ANO3: variants seen among roughly 807,000 people sequenced by gnomAD.
ANO3 encodes the protein anoctamin 3.
Under a neutral mutation model 144.8 loss-of-function variants are expected in ANO3, and 99 were observed. The observed-to-expected ratio is 0.68, with a 90% CI of 0.58 to 0.81. The LOEUF (loss-of-function observed/expected upper bound fraction) is 0.81. ANO3 is among the 30% of genes least tolerant of loss of function. ANO3 has a pLI of 0.00. For synonymous variants in ANO3, 414 were observed against 392.6 expected, an observed-to-expected ratio of 1.05 and a Z score of -0.64; for missense variants, 905 against 1,202.2, an observed-to-expected ratio of 0.75 and a Z score of 3.66.
At position 26,451,530 on chromosome 11, in the gene ANO3, G is replaced by C. The variant is rs562466973; in HGVS notation, c.313+7694G>C. Among the ~76,000 whole-genome samples, 213 of 152,330 alleles carry C rather than the reference G, an allele frequency of 1.4e-3. 2 individuals are homozygous for C. The South Asian group carries it at 0.019, about 14-fold the overall frequency. On this transcript the variant is annotated intron_variant, in intron 3 of 26. Transcript: ENST00000256737. ...AACTGCAAGGCGGCAGCAAGGCTGG[G>C]GGAGGAGCGCCCGCCATTACTCAGG...
chr11:26,393,054 A>C (rs146354892), intron 1 of ANO3, among the ~76,000 whole-genome samples: 2,740 of 152,270 alleles, frequency 0.018, 40 homozygotes, highest in Non-Finnish European at 0.025. Flanking sequence ...ATATGCAGAA[A>C]GGCAAAGGTT....
intron 1 of ANO3, among the ~76,000 whole-genome samples, chr11:26,402,572 G>C (rs1380087908): frequency 2.6e-5 from 4 of 151,820 alleles, no homozygotes; most frequent in African/African-American, 9.7e-5. Context: ...CTCCCATTCT[G>C]TAGATTGCCA....
chr11:26,441,257 AC>A (rs1858511013), intron 1 of ANO3, among the ~76,000 whole-genome samples: 1 of 149,974 alleles, frequency 6.7e-6, no homozygotes, highest in Admixed American at 6.6e-5. Flanking sequence ...AGCTGGGACT[AC>A]AGGCGCCCGC....
At chr11:26,538,607 A>G (rs1365487202) in intron 10 of ANO3, among the ~76,000 whole-genome samples, 1 of 152,160 alleles carries the variant, frequency 6.6e-6, no homozygotes, top group Non-Finnish European at 1.5e-5. Context: ...GGAAGGTTTA[A>G]TTTGTTCTCT....
intron 1 of ANO3, among the ~76,000 whole-genome samples, chr11:26,247,827 C>T (rs1169410163): frequency 6.9e-6 from 1 of 144,742 alleles, no homozygotes; most frequent in Non-Finnish European, 1.5e-5. Flanking sequence ...CTCCCAGGTT[C>T]AAGTGATTCT....
intron 14 of ANO3, among the ~76,000 whole-genome samples, chr11:26,581,576 C>T (rs1219911144): frequency 6.6e-6 from 1 of 150,758 alleles, no homozygotes; most frequent in South Asian, 2.1e-4. Context: ...GTAGTCCCAG[C>T]TATGTGGGAG....
At chr11:26,630,853 T>G (rs1214810120) in intron 18 of ANO3, among the ~76,000 whole-genome samples, 1 of 152,182 alleles carries the variant, frequency 6.6e-6, no homozygotes, top group Non-Finnish European at 1.5e-5. Flanking sequence ...TTGAATTACT[T>G]TAATTATTTT....
At chr11:26,564,756 TA>T (rs1850489146) in intron 14 of ANO3, among the ~76,000 whole-genome samples, 1 of 89,452 alleles carries the variant, frequency 1.1e-5, no homozygotes. Context: ...TATATATATA[TA>T]TATATATATA....
chr11:26,304,101 G>A (rs1281598589), intron 1 of ANO3, among the ~76,000 whole-genome samples: 1 of 151,900 alleles, frequency 6.6e-6, no homozygotes, highest in African/African-American at 2.4e-5. Context: ...TGATTGAATG[G>A]TATTATATTC....
chr11:26,474,258 A>G, intron 4 of ANO3: 2 of 209,856 alleles, frequency 9.5e-6, no homozygotes, highest in Non-Finnish European at 1.7e-5. Context: ...CTGTTATTTC[A>G]AAATACTAGA....
At chr11:26,390,266 A>G (rs1856839486) in intron 1 of ANO3, among the ~76,000 whole-genome samples, 1 of 152,134 alleles carries the variant, frequency 6.6e-6, no homozygotes, top group Non-Finnish European at 1.5e-5. Flanking sequence ...TGTATTGGAT[A>G]GATATTAAGC....
intron 1 of ANO3, among the ~76,000 whole-genome samples, chr11:26,226,218 C>G (rs184996588): frequency 6.6e-6 from 1 of 151,900 alleles, no homozygotes; most frequent in Admixed American, 6.6e-5. Context: ...CAACAGAAGG[C>G]AAGACAGATG....
intron 12 of ANO3, among the ~76,000 whole-genome samples, chr11:26,550,980 A>G (rs1343582318): frequency 6.6e-6 from 1 of 151,816 alleles, no homozygotes; most frequent in Non-Finnish European, 1.5e-5. Context: ...GTGATTTTTT[A>G]TTGTAGTTTT....
At chr11:26,654,492 A>T (rs1853624823) in intron 24 of ANO3, among the ~76,000 whole-genome samples, 1 of 152,096 alleles carries the variant, frequency 6.6e-6, no homozygotes, top group Non-Finnish European at 1.5e-5. Flanking sequence ...TCACTCATTA[A>T]TTCAAATGGT....
chr11:26,500,151 T>C (rs1482709610), intron 4 of ANO3, among the ~76,000 whole-genome samples: 1 of 152,106 alleles, frequency 6.6e-6, no homozygotes, highest in Non-Finnish European at 1.5e-5. Flanking sequence ...CATTTCTTTC[T>C]ATTGCCAAAT....
chr11:26,430,025 G>C (rs1858034202), intron 1 of ANO3, among the ~76,000 whole-genome samples: 1 of 152,000 alleles, frequency 6.6e-6, no homozygotes, highest in African/African-American at 2.4e-5. Flanking sequence ...ATCTCCTGAG[G>C]CCAGGAGTTT....
intron 1 of ANO3, among the ~76,000 whole-genome samples, chr11:26,409,266 C>T (rs1857373000): frequency 6.6e-6 from 1 of 151,834 alleles, no homozygotes; most frequent in African/African-American, 2.4e-5. Flanking sequence ...CCCTTTTTAC[C>T]TATCTTGTCA....
intron 1 of ANO3, among the ~76,000 whole-genome samples, chr11:26,439,168 T>G (rs1312859866): frequency 2.6e-5 from 4 of 152,194 alleles, no homozygotes; most frequent in African/African-American, 4.8e-5. Flanking sequence ...ATGTACAAAT[T>G]AGCTACAACT....
At chr11:26,549,866 G>T (rs557412909) in intron 12 of ANO3, among the ~76,000 whole-genome samples, 1 of 151,930 alleles carries the variant, frequency 6.6e-6, no homozygotes, top group East Asian at 1.9e-4. Flanking sequence ...AACTCACCAA[G>T]AAATTAATGT....
Sources: allele counts gnomAD v4.1 joint callset (sites outside exome capture counted in the v4.1 genomes callset), GRCh38; gene constraint gnomAD v4.1.1; transcripts MANE v1.5; gene names NCBI Gene and HGNC (gene_info 2026-07-23, HGNC 2026-07-21).